Variants in SEL1L observed in about 807,000 individuals in gnomAD.
The protein encoded by SEL1L is SEL1L adaptor subunit of SYVN1 ubiquitin ligase.
A neutral mutation model predicts 109.8 loss-of-function variants in SEL1L; 52 were observed. That is an observed-to-expected ratio of 0.47 (90% confidence interval 0.38 to 0.60). The LOEUF (loss-of-function observed/expected upper bound fraction) is 0.60. Ranked by LOEUF, SEL1L falls within the 20% of genes least tolerant of loss-of-function variation. The probability of loss-of-function intolerance (pLI) is 0.00; values close to 1 mark genes in which losing one functional copy is unlikely to be tolerated. For missense variants in SEL1L, 749 were observed against 962.2 expected, an observed-to-expected ratio of 0.78 and a Z score of 2.93; for synonymous variants, 373 against 339.6, an observed-to-expected ratio of 1.10 and a Z score of -1.08.
chr14:81,477,291 A>C, intron 20 of SEL1L, 110 bp from the exon 21 acceptor site: 1 of 794,552 alleles, frequency 1.3e-6, no homozygotes, highest in Non-Finnish European at 2.0e-6. Context: ...TTTGTTTTAA[A>C]AACGTTTTGC....
intron 3 of SEL1L, among the ~76,000 whole-genome samples, chr14:81,508,257 T>A (rs779595103): frequency 1.9e-4 from 29 of 152,208 alleles, no homozygotes; most frequent in Non-Finnish European, 3.8e-4. Context: ...ATGTCACTCA[T>A]CATCCTGGTA....
chr14:81,515,844 C>T (rs1292701284), intron 3 of SEL1L, among the ~76,000 whole-genome samples: 1 of 152,104 alleles, frequency 6.6e-6, no homozygotes, highest in Non-Finnish European at 1.5e-5. Flanking sequence ...AACCTGGCAA[C>T]CTTGGTGTTC....
chr14:81,502,618 T>C, intron 6 of SEL1L, 103 bp downstream of exon 6: 1 of 1,155,370 alleles, frequency 8.7e-7, no homozygotes, highest in South Asian at 1.7e-5. Context: ...GTATTTATCT[T>C]CCAGTCTGAC....
rs1885425252 is a variant in SEL1L at position 81,533,665 on chromosome 14, G to GGATACTGACCCGAGGACGCC, written c.60_70+9dup. The GGATACTGACCCGAGGACGCC allele has an allele frequency of 6.2e-7, 1 of 1,611,832 alleles. No homozygotes were observed. The highest frequency in any genetic ancestry group is 1.3e-5 in the African/African-American group (1 of 74,906). On this transcript the variant is annotated intron_variant, in intron 1 of 20. Coordinates refer to ENST00000336735, the MANE Select transcript of SEL1L (RefSeq NM_005065.6). ...CTCTGGGCCTTCAGCCCGAGGGGGC[G>GGATACTGACCCGAGGACGCC]GATACTGACCCGAGGACGCCGAGGC...
rs539495884 is a variant in SEL1L, at chr14:81,527,095, A to G, written c.109-131T>C. 2.2e-4 allele frequency: 147 copies of G among 682,530 alleles called. 3 individuals carry two copies. Among genetic ancestry groups the G allele is most frequent in the South Asian group, 1.9e-3 (108 of 56,354 alleles). The allele number at this position is 682,530 out of a possible 1,614,324, so 42.3% of individuals were successfully genotyped here. On this transcript the variant is annotated intron_variant, in intron 2 of 20. Transcript: ENST00000336735. ...TGAAGTGCCACACTCACTCATCTCT[A>G]TAGGCTTTGGCATGTGTCCATCACG... is the stretch of plus-strand genomic sequence containing the variant.
chr14:81,510,471 G>C (rs1458316762), intron 3 of SEL1L, among the ~76,000 whole-genome samples: 2 of 96,120 alleles, frequency 2.1e-5, no homozygotes, highest in Admixed American at 1.1e-4. Context: ...CTAGAATGCT[G>C]ATCTCTCTCT....
At chr14:81,487,147 G>C (rs1256295670) in intron 16 of SEL1L, among the ~76,000 whole-genome samples, 3 of 151,734 alleles carry the variant, frequency 2.0e-5, no homozygotes, top group Non-Finnish European at 4.4e-5. Context: ...ACTGTCTTAG[G>C]TGCTAGAGAT....
At chr14:81,492,352 T>C (rs999048728) in intron 12 of SEL1L, 128 bp downstream of exon 12, 5 of 737,264 alleles carry the variant, frequency 6.8e-6, no homozygotes, top group Non-Finnish European at 1.2e-5. Context: ...CTTTAAGATA[T>C]AATAGTCTTG....
chr14:81,516,081 C>A (rs1884688739), intron 3 of SEL1L, among the ~76,000 whole-genome samples: 1 of 152,200 alleles, frequency 6.6e-6, no homozygotes, highest in Admixed American at 6.5e-5. Context: ...GTCCACTATG[C>A]CGAGGCAATC....
intron 20 of SEL1L, chr14:81,479,393 G>A (rs1480919107): frequency 2.9e-6 from 1 of 344,676 alleles, no homozygotes; most frequent in African/African-American, 2.1e-5. Flanking sequence ...TTTAGCGTCA[G>A]GAAGTGTCAA....
At chr14:81,515,613 C>T (rs1566623035) in intron 3 of SEL1L, among the ~76,000 whole-genome samples, 1 of 152,124 alleles carries the variant, frequency 6.6e-6, no homozygotes, top group African/African-American at 2.4e-5. Flanking sequence ...TAGGAAAAAG[C>T]CCATGAATTA....
rs373102560 is a variant in SEL1L, at chr14:81,516,454, C to G, written c.341-10213G>C. 3.1e-3 allele frequency among the ~76,000 whole-genome samples: 467 copies of G among 152,150 alleles called. 2 individuals are homozygous for G. The Middle Eastern group carries it at 0.037, about 12-fold the overall frequency. ...AAGTCCCAGGACCCTTATTAGGGAG[C>G]GATATATTAGCCAAAGCTGGAGCTA... is the stretch of plus-strand genomic sequence containing the variant. On this transcript the variant is annotated intron_variant, in intron 3 of 20. Transcript: ENST00000336735.
At chr14:81,477,302 A>AGTGTGTGTGTGTGT (rs1566968635) in intron 20 of SEL1L, 121 bp from the exon 21 acceptor site, 2 of 403,726 alleles carry the variant, frequency 5.0e-6, no homozygotes, top group Non-Finnish European at 8.7e-6. Context: ...AACGTTTTGC[A>AGTGTGTGTGTGTGT]ATGTGTGTGT....
At chr14:81,500,709 A>T (rs1484184856) in intron 6 of SEL1L, among the ~76,000 whole-genome samples, 1 of 152,190 alleles carries the variant, frequency 6.6e-6, no homozygotes, top group Admixed American at 6.5e-5. Context: ...AAAGGAATAC[A>T]CTATGAAAAC....
At chr14:81,525,185 T>C (rs1489046225) in intron 3 of SEL1L, among the ~76,000 whole-genome samples, 2 of 152,050 alleles carry the variant, frequency 1.3e-5, no homozygotes, top group African/African-American at 4.8e-5. Flanking sequence ...CAGCAGAATG[T>C]TGATGTTTAT....
chr14:81,478,159 A>C (rs1903228311), intron 20 of SEL1L, among the ~76,000 whole-genome samples: 1 of 152,202 alleles, frequency 6.6e-6, no homozygotes, highest in Non-Finnish European at 1.5e-5. Flanking sequence ...ATGGGGTATA[A>C]TTTTATATAA....
intron 3 of SEL1L, among the ~76,000 whole-genome samples, chr14:81,510,472 A>ATCTT (rs1555346552): frequency 3.4e-4 from 41 of 118,924 alleles, no homozygotes; most frequent in African/African-American, 1.3e-3. Flanking sequence ...TAGAATGCTG[A>ATCTT]TCTCTCTCTC....
At chr14:81,489,398 T>A in intron 13 of SEL1L, 84 bp from the exon 14 acceptor site, 1 of 1,110,654 alleles carries the variant, frequency 9.0e-7, no homozygotes, top group South Asian at 1.3e-5. Context: ...AATAAATCAT[T>A]TATAAGCATA....
At chr14:81,521,991 T>C (rs1884924679) in intron 3 of SEL1L, among the ~76,000 whole-genome samples, 1 of 152,102 alleles carries the variant, frequency 6.6e-6, no homozygotes, top group Admixed American at 6.5e-5. Flanking sequence ...ATGTTTGTCT[T>C]AGTTTTTAAC....
Sources: allele counts gnomAD v4.1 joint callset (sites outside exome capture counted in the v4.1 genomes callset), GRCh38; gene constraint gnomAD v4.1.1; transcripts MANE v1.5; gene names NCBI Gene and HGNC (gene_info 2026-07-23, HGNC 2026-07-21).